LRP1B: variants seen among roughly 807,000 people sequenced by gnomAD.
The protein encoded by LRP1B is LDL receptor related protein 1B, also known as low-density lipoprotein receptor-related protein 1B.
LRP1B carries 217 observed loss-of-function variants against 556.6 expected under a neutral mutation model. That is an observed-to-expected ratio of 0.39 (90% confidence interval 0.35 to 0.44). The LOEUF (loss-of-function observed/expected upper bound fraction) is 0.44. LRP1B is among the 20% of genes least tolerant of loss of function. The probability of loss-of-function intolerance (pLI) is 1.00; values close to 1 mark genes in which losing one functional copy is unlikely to be tolerated. For missense variants in LRP1B, 5,053 were observed against 5,620.8 expected, an observed-to-expected ratio of 0.90 and a Z score of 3.23; for synonymous variants, 2,047 against 1,865.8, an observed-to-expected ratio of 1.10 and a Z score of -2.50.
chr2:140,976,953 A>G (rs1444910978), intron 18 of LRP1B, among the ~76,000 whole-genome samples: 1 of 152,270 alleles, frequency 6.6e-6, no homozygotes, highest in Non-Finnish European at 1.5e-5. Context: ...CTTGGAAGAC[A>G]GAACAAGCCA....
At chr2:140,800,402 T>TA (rs895189406) in intron 32 of LRP1B, among the ~76,000 whole-genome samples, 1 of 151,906 alleles carries the variant, frequency 6.6e-6, no homozygotes, top group East Asian at 1.9e-4. Context: ...GTATAATAAT[T>TA]AAAAAAAAGT....
At chr2:141,604,030 G>C (rs775995314) in intron 2 of LRP1B, among the ~76,000 whole-genome samples, 6 of 152,038 alleles carry the variant, frequency 3.9e-5, no homozygotes, top group Non-Finnish European at 8.8e-5. Flanking sequence ...AATGAATACA[G>C]TTTTGTACCC....
At chr2:141,089,100 G>T (rs1189949591) in intron 7 of LRP1B, among the ~76,000 whole-genome samples, 1 of 152,086 alleles carries the variant, frequency 6.6e-6, no homozygotes, top group African/African-American at 2.4e-5. Context: ...CAACATCTGG[G>T]TATCCTTAGA....
chr2:140,992,976 AAT>A (rs1558787477), intron 16 of LRP1B, among the ~76,000 whole-genome samples: 1 of 152,090 alleles, frequency 6.6e-6, no homozygotes, highest in African/African-American at 2.4e-5. Context: ...GTTATGTATT[AAT>A]ATACAATTTG....
chr2:141,368,228 T>A (rs1433145491), intron 3 of LRP1B, among the ~76,000 whole-genome samples: 1 of 152,138 alleles, frequency 6.6e-6, no homozygotes, highest in African/African-American at 2.4e-5. Flanking sequence ...ACTATCAAGG[T>A]CTCCTGTTTA....
At chr2:141,175,649 T>G (rs1334397400) in intron 7 of LRP1B, among the ~76,000 whole-genome samples, 2 of 152,108 alleles carry the variant, frequency 1.3e-5, no homozygotes, top group African/African-American at 4.8e-5. Flanking sequence ...GAACCTCTAC[T>G]AGGTCAGGGC....
intron 25 of LRP1B, among the ~76,000 whole-genome samples, chr2:140,883,224 G>A (rs1351768561): frequency 6.6e-6 from 1 of 152,220 alleles, no homozygotes; most frequent in South Asian, 2.1e-4. Context: ...GAACACAAAA[G>A]GGAAGAGGGC....
chr2:141,858,534 G>A (rs1226559354), intron 1 of LRP1B, among the ~76,000 whole-genome samples: 1 of 152,184 alleles, frequency 6.6e-6, no homozygotes, highest in Middle Eastern at 3.2e-3. Context: ...AAGAGATGCA[G>A]CTAACGACAT....
At chr2:140,656,979 G>T (rs1310336145) in intron 41 of LRP1B, among the ~76,000 whole-genome samples, 3 of 152,016 alleles carry the variant, frequency 2.0e-5, no homozygotes, top group Non-Finnish European at 4.4e-5. Flanking sequence ...TCACAAAACA[G>T]ACTAAGTTAA....
At chr2:140,823,605 G>A (rs1172563470) in intron 31 of LRP1B, among the ~76,000 whole-genome samples, 1 of 151,822 alleles carries the variant, frequency 6.6e-6, no homozygotes, top group Non-Finnish European at 1.5e-5. Context: ...CTTTTAAAGT[G>A]GTGTTACAAT....
intron 2 of LRP1B, among the ~76,000 whole-genome samples, chr2:141,521,567 T>C (rs1684530641): frequency 6.6e-6 from 1 of 151,914 alleles, no homozygotes; most frequent in African/African-American, 2.4e-5. Flanking sequence ...GCCAGTTGCA[T>C]AATTTAGATT....
At chr2:140,447,322 T>C (rs1254849835) in intron 63 of LRP1B, among the ~76,000 whole-genome samples, 4 of 151,886 alleles carry the variant, frequency 2.6e-5, no homozygotes, top group African/African-American at 9.7e-5. Context: ...TACACAGGCA[T>C]ACCTAGAAGA....
intron 2 of LRP1B, among the ~76,000 whole-genome samples, chr2:141,629,748 T>G (rs909564077): frequency 3.9e-5 from 6 of 152,146 alleles, no homozygotes; most frequent in Non-Finnish European, 7.3e-5. Context: ...GGAATTGGAC[T>G]TCACACTGAG....
At chr2:141,474,355 A>G (rs962940797) in intron 3 of LRP1B, among the ~76,000 whole-genome samples, 15 of 152,344 alleles carry the variant, frequency 9.8e-5, no homozygotes, top group African/African-American at 3.6e-4. Flanking sequence ...AATAAAGGCT[A>G]CCATTTAGCT....
At chr2:142,106,308 C>G (rs1706744248) in intron 1 of LRP1B, among the ~76,000 whole-genome samples, 1 of 152,106 alleles carries the variant, frequency 6.6e-6, no homozygotes, top group Non-Finnish European at 1.5e-5. Context: ...TTGATTATTA[C>G]TATTGTGGAA....
rs1003491587 is a variant in LRP1B at position 140,345,519 on chromosome 2, A to C, written c.11892+5278T>G. Among the ~76,000 whole-genome samples, 3 of 151,168 alleles carry C rather than the reference A, an allele frequency of 2.0e-5. No homozygotes were observed. In the Admixed American group the frequency reaches 2.0e-4, roughly 10 times the overall value. ...TAATTTTGCTTGAGAGCTTGATTCC[A>C]GTCCTTCTTTTCCTCCTTTCTATTC... On this transcript the variant is annotated intron_variant, in intron 77 of 90. Coordinates refer to ENST00000389484, the MANE Select transcript of LRP1B (RefSeq NM_018557.3).
intron 3 of LRP1B, among the ~76,000 whole-genome samples, chr2:141,280,837 CAT>C (rs1474670490): frequency 6.6e-6 from 1 of 151,890 alleles, no homozygotes; most frequent in Non-Finnish European, 1.5e-5. Flanking sequence ...TCATAGTAGG[CAT>C]TATAAAGTAA....
chr2:141,320,916 A>T (rs944822253), intron 3 of LRP1B, among the ~76,000 whole-genome samples: 2 of 152,098 alleles, frequency 1.3e-5, no homozygotes, highest in African/African-American at 4.8e-5. Context: ...TCTTCTGAGG[A>T]TTTATAATAA....
chr2:141,645,251 G>T (rs1201999329), intron 2 of LRP1B, among the ~76,000 whole-genome samples: 2 of 152,016 alleles, frequency 1.3e-5, no homozygotes, highest in African/African-American at 2.4e-5. Flanking sequence ...TTATTGTTGG[G>T]AATGGAGAAA....
Sources: allele counts gnomAD v4.1 joint callset (sites outside exome capture counted in the v4.1 genomes callset), GRCh38; gene constraint gnomAD v4.1.1; transcripts MANE v1.5; gene names NCBI Gene and HGNC (gene_info 2026-07-23, HGNC 2026-07-21).